MALRD1: variants seen among roughly 807,000 people sequenced by gnomAD.
The protein encoded by MALRD1 is MAM and LDL-receptor class A domain-containing protein 1.
In MALRD1, 247 loss-of-function variants were observed where a neutral mutation model predicts 242.1. The observed-to-expected ratio is 1.02, with a 90% CI of 0.92 to 1.13. The LOEUF (loss-of-function observed/expected upper bound fraction) is 1.13. Ranked by LOEUF, MALRD1 falls within the 50% of genes most tolerant of loss-of-function variation. MALRD1 has a pLI of 0.00. For synonymous variants in MALRD1, 995 were observed against 866.6 expected, an observed-to-expected ratio of 1.15 and a Z score of -2.60; for missense variants, 2,989 against 2,533.1, an observed-to-expected ratio of 1.18 and a Z score of -3.86.
chr10:19,540,173 G>C (rs1317843556), intron 32 of MALRD1, among the ~76,000 whole-genome samples: 1 of 152,068 alleles, frequency 6.6e-6, no homozygotes, highest in Non-Finnish European at 1.5e-5. Flanking sequence ...TGTCCTGTTA[G>C]AATAGGCAGA....
At chr10:19,729,757 G>T (rs530763489) in intron 38 of MALRD1, among the ~76,000 whole-genome samples, 1,749 of 70,898 alleles carry the variant, frequency 0.025, 19 homozygotes, top group Middle Eastern at 0.12. Context: ...TTTTTTTTGA[G>T]ACGGAGTCTC....
At chr10:19,552,552 T>TTGTG (rs143870211) in intron 32 of MALRD1, among the ~76,000 whole-genome samples, 2 of 150,714 alleles carry the variant, frequency 1.3e-5, no homozygotes, top group Non-Finnish European at 3.0e-5. Context: ...TTTTGAATTT[T>TTGTG]TGTGTGTGTG....
intron 29 of MALRD1, among the ~76,000 whole-genome samples, chr10:19,488,018 G>A (rs772465634): frequency 7.2e-5 from 11 of 151,936 alleles, no homozygotes; most frequent in Non-Finnish European, 1.2e-4. Context: ...CTCCACCTCG[G>A]GTACATCACC....
intron 32 of MALRD1, among the ~76,000 whole-genome samples, chr10:19,561,521 T>C (rs1004674691): frequency 6.6e-6 from 1 of 152,168 alleles, no homozygotes; most frequent in African/African-American, 2.4e-5. Context: ...TGTTGTTAGG[T>C]GCATACACAT....
intron 28 of MALRD1, among the ~76,000 whole-genome samples, chr10:19,440,280 T>C (rs892941579): frequency 6.6e-6 from 1 of 152,196 alleles, no homozygotes; most frequent in African/African-American, 2.4e-5. Context: ...CTGTTTCATA[T>C]TTTTTCAAGT....
At chr10:19,204,749 C>A in intron 16 of MALRD1, 149 bp from the exon 17 acceptor site, 1 of 881,150 alleles carries the variant, frequency 1.1e-6, no homozygotes, top group Non-Finnish European at 1.7e-6. Context: ...TAAGCTCTTG[C>A]AAATGGACAG....
At position 19,347,850 on chromosome 10, in the gene MALRD1, C is replaced by T. The variant is rs76551926; in HGVS notation, c.3981C>T (p.Asn1327=). ...KQEKDEDFDW[N]LKASSIPAAG... ...AGAAAGATGAGGACTTTGACTGGAA[C>T]CTGAAAGCTAGCAGCATCCCTGCAG... Residue 1327 remains asparagine, a synonymous_variant, in exon 25 of 40, where the codon AAC becomes AAT. Coordinates refer to ENST00000454679, the MANE Select transcript of MALRD1 (RefSeq NM_001142308.3). 68,503 of 1,550,288 alleles carry T rather than the reference C, an allele frequency of 0.044. 1,774 individuals carry two copies. Among genetic ancestry groups the T allele is most frequent in the Non-Finnish European group, 0.051 (58,054 of 1,146,770 alleles).
At chr10:19,403,174 G>A (rs1348123753) in intron 28 of MALRD1, among the ~76,000 whole-genome samples, 1 of 152,014 alleles carries the variant, frequency 6.6e-6, no homozygotes, top group African/African-American at 2.4e-5. Context: ...CAAAAAAAAA[G>A]TCTAGTTTTG....
chr10:19,232,724 T>A (rs1838137141), intron 18 of MALRD1, among the ~76,000 whole-genome samples: 1 of 152,192 alleles, frequency 6.6e-6, no homozygotes, highest in Admixed American at 6.5e-5. Flanking sequence ...ATTTTCAGTG[T>A]ATCAGGCAAA....
At chr10:19,058,383 A>G (rs747994723) in intron 1 of MALRD1, among the ~76,000 whole-genome samples, 11 of 152,222 alleles carry the variant, frequency 7.2e-5, no homozygotes, top group Non-Finnish European at 1.5e-4. Context: ...ATTAACAACG[A>G]AGCCATAATC....
At chr10:19,682,226 T>A (rs1241706841) in intron 36 of MALRD1, among the ~76,000 whole-genome samples, 1 of 152,218 alleles carries the variant, frequency 6.6e-6, no homozygotes, top group Non-Finnish European at 1.5e-5. Flanking sequence ...GTTCCTCATT[T>A]GTTTTCTCTG....
intron 31 of MALRD1, among the ~76,000 whole-genome samples, chr10:19,515,396 A>T (rs1833579145): frequency 6.6e-6 from 1 of 152,128 alleles, no homozygotes; most frequent in Admixed American, 6.5e-5. Context: ...ATGACACAGA[A>T]CATGTGTACT....
chr10:19,451,272 G>A (rs753889489), intron 29 of MALRD1, among the ~76,000 whole-genome samples: 49 of 151,890 alleles, frequency 3.2e-4, no homozygotes, highest in Admixed American at 8.5e-4. Context: ...AATTCAATCA[G>A]GCAAAATTGA....
chr10:19,382,289 T>C (rs964188007), intron 26 of MALRD1, among the ~76,000 whole-genome samples: 16 of 151,962 alleles, frequency 1.1e-4, no homozygotes, highest in African/African-American at 3.9e-4. Flanking sequence ...GATCTACTTG[T>C]AGTGTAGTGT....
In MALRD1 at chr10:19,405,790, A is replaced by G. The variant is rs557970789; in HGVS notation, c.4845+16181A>G. On this transcript the variant is annotated intron_variant, in intron 28 of 39. Transcript: ENST00000454679. ...GCCACATGTTCTATTCTTCCAATGCATACATAGACTCCATTTTCAGATAAC... is the reference window on the plus strand; with the variant it reads ...GCCACATGTTCTATTCTTCCAATGCGTACATAGACTCCATTTTCAGATAAC... Among the ~76,000 whole-genome samples, 31 of 152,264 alleles carry G rather than the reference A, an allele frequency of 2.0e-4. No homozygotes were observed. In the South Asian group the frequency reaches 5.6e-3, roughly 28 times the overall value.
intron 38 of MALRD1, among the ~76,000 whole-genome samples, chr10:19,709,243 T>TAAAAAAAA (rs557818453): frequency 1.5e-3 from 158 of 105,762 alleles, no homozygotes; most frequent in East Asian, 2.0e-3. Flanking sequence ...CCGTCTGTAC[T>TAAAAAAAA]AAAAAAAAAA....
chr10:19,723,931 A>G (rs575919548), intron 38 of MALRD1, among the ~76,000 whole-genome samples: 3 of 150,302 alleles, frequency 2.0e-5, no homozygotes, highest in Non-Finnish European at 4.4e-5. Context: ...GTTGGCATGC[A>G]CCTATAGTCC....
Position 19,175,280 on chromosome 10 carries a change from T to A in MALRD1, c.1903T>A (p.Cys635Ser). 8.1e-7 allele frequency: 1 copy of A among 1,230,684 alleles called. No homozygotes were observed. The highest frequency in any genetic ancestry group is 1.0e-6 in the Non-Finnish European group (1 of 987,340). The allele number at this position is 1,230,684 out of a possible 1,614,324, so 76.2% of individuals were successfully genotyped here. A position where few individuals can be genotyped will look rare whatever the true frequency, so the allele number is the denominator to read the frequency against. ...AGATGACATCAGTGTGTCCCAGGAATGTGAAATTTCCTATAAATCACTACC... is the reference window on the plus strand; with the variant it reads ...AGATGACATCAGTGTGTCCCAGGAAAGTGAAATTTCCTATAAATCACTACC... Reference protein sequence around the residue: ...ALDDISVSQECEISYKSLPRT... With the variant: ...ALDDISVSQESEISYKSLPRT... The change falls in exon 14 of 40, where the codon TGT becomes AGT. Residue 635 changes from cysteine to serine, a missense_variant. Cys to Ser is a moderately radical substitution (Grantham distance 112, BLOSUM62 -1). Transcript: ENST00000454679.
chr10:19,239,822 T>G (rs763902331), intron 18 of MALRD1, among the ~76,000 whole-genome samples: 5 of 152,164 alleles, frequency 3.3e-5, no homozygotes, highest in Non-Finnish European at 7.4e-5. Context: ...TATGAGAATT[T>G]ATTTCTGAGC....
Sources: gnomAD v4.1 joint callset for allele counts (sites outside exome capture counted in the v4.1 genomes callset) on GRCh38, gnomAD v4.1.1 for gene constraint, MANE v1.5 for transcripts, NCBI Gene and HGNC (gene_info 2026-07-23, HGNC 2026-07-21) for gene names.